DPP10: variants seen among roughly 807,000 people sequenced by gnomAD.
DPP10 encodes the protein dipeptidyl peptidase like 10, also known as inactive dipeptidyl peptidase 10.
A neutral mutation model predicts 120.9 loss-of-function variants in DPP10; 33 were observed. The ratio of observed to expected loss-of-function variants is 0.27; its 90% CI spans 0.21 to 0.37. The LOEUF is 0.37. DPP10 is among the 10% of genes least tolerant of loss of function. DPP10 has a pLI of 1.00. For synonymous variants in DPP10, 337 were observed against 326.1 expected (o/e 1.03, Z -0.36); for missense variants, 816 against 942.8 (o/e 0.87, Z 1.76).
intron 1 of DPP10, among the ~76,000 whole-genome samples, chr2:115,080,694 A>C (rs979226064): frequency 3.9e-5 from 6 of 152,206 alleles, no homozygotes; most frequent in African/African-American, 1.4e-4. Context: ...CACTCAGTGC[A>C]GATCGTGTAT....
At chr2:114,989,563 G>A (rs1308077100) in intron 1 of DPP10, among the ~76,000 whole-genome samples, 2 of 152,156 alleles carry the variant, frequency 1.3e-5, no homozygotes, top group Admixed American at 1.3e-4. Flanking sequence ...CGAATTTTGA[G>A]CAAATGGGTT....
In DPP10 at chr2:115,038,725, A is replaced by G. The variant is rs77917743; in HGVS notation, c.61-270514A>G. On this transcript the variant is annotated intron_variant, in intron 1 of 25. Coordinates refer to ENST00000410059, the MANE Select transcript of DPP10 (RefSeq NM_020868.6). ...ATAAGTTACTGCATTTAACTGTCAC[A>G]ACCCTGTAATGGAGGGACAGTGATT... 3.3e-5 allele frequency among the ~76,000 whole-genome samples: 5 copies of G among 152,324 alleles called. No homozygotes were observed. The East Asian group carries it at 9.6e-4, about 29-fold the overall frequency.
At chr2:115,050,285 T>G (rs568282697) in intron 1 of DPP10, 1 of 152,274 alleles carries the variant, frequency 6.6e-6, no homozygotes, top group African/African-American at 2.4e-5. Flanking sequence ...CTCATCTTAG[T>G]GATGGTAGTC....
At chr2:114,588,030 T>C (rs1462549817) in intron 1 of DPP10, among the ~76,000 whole-genome samples, 1 of 152,232 alleles carries the variant, frequency 6.6e-6, no homozygotes, top group African/African-American at 2.4e-5. Flanking sequence ...CCCAGGTGTT[T>C]TAGAAGCTGC....
intron 19 of DPP10, among the ~76,000 whole-genome samples, chr2:115,806,840 C>G (rs1280313385): frequency 6.6e-6 from 1 of 151,070 alleles, no homozygotes; most frequent in East Asian, 2.0e-4. Context: ...ATCTAAATTG[C>G]CCCCCCACCC....
chr2:115,298,628 A>G (rs560812626), intron 1 of DPP10, among the ~76,000 whole-genome samples: 1 of 152,156 alleles, frequency 6.6e-6, no homozygotes, highest in African/African-American at 2.4e-5. Flanking sequence ...GAAGCTGACC[A>G]TATTTTGAGT....
chr2:114,535,092 C>CAAAA (rs5833550), intron 1 of DPP10, among the ~76,000 whole-genome samples: 315 of 151,238 alleles, frequency 2.1e-3, no homozygotes, highest in African/African-American at 4.1e-3. Flanking sequence ...TTTGTTTCTA[C>CAAAA]AAAAAAAAAC....
chr2:114,957,768 A>G (rs376217646), intron 1 of DPP10, among the ~76,000 whole-genome samples: 20 of 152,382 alleles, frequency 1.3e-4, no homozygotes, highest in East Asian at 7.7e-4. Flanking sequence ...GTGTACATAT[A>G]TCCTTAAAAA....
At chr2:115,383,690 T>G (rs2066614525) in intron 3 of DPP10, among the ~76,000 whole-genome samples, 1 of 152,176 alleles carries the variant, frequency 6.6e-6, no homozygotes, top group East Asian at 1.9e-4. Context: ...TAAATATATT[T>G]AATAATTTGA....
At chr2:115,805,334 C>G (rs1042571233) in intron 19 of DPP10, among the ~76,000 whole-genome samples, 2 of 152,140 alleles carry the variant, frequency 1.3e-5, no homozygotes, top group African/African-American at 4.8e-5. Context: ...TCTGTCACCC[C>G]TTTCTTTGAC....
At chr2:115,108,453 GA>G (rs1260477629) in intron 1 of DPP10, among the ~76,000 whole-genome samples, 1 of 152,164 alleles carries the variant, frequency 6.6e-6, no homozygotes, top group African/African-American at 2.4e-5. Flanking sequence ...CAACATAGAA[GA>G]AGTCAGAAAT....
chr2:115,744,232 A>G (rs1027395645), intron 9 of DPP10, among the ~76,000 whole-genome samples: 6 of 150,288 alleles, frequency 4.0e-5, no homozygotes, highest in African/African-American at 1.5e-4. Context: ...TCCAAGAACA[A>G]CACTTTGAAT....
chr2:115,100,586 G>A (rs963920458), intron 1 of DPP10, among the ~76,000 whole-genome samples: 3 of 152,024 alleles, frequency 2.0e-5, no homozygotes, highest in Non-Finnish European at 1.5e-5. Flanking sequence ...GTGTGTGTGT[G>A]TATATATGTA....
intron 5 of DPP10, among the ~76,000 whole-genome samples, chr2:115,573,742 G>T (rs181221222): frequency 2.8e-5 from 2 of 70,214 alleles, no homozygotes; most frequent in Non-Finnish European, 5.5e-5. Flanking sequence ...TTTTAGTAGA[G>T]ACGGGGTTTG....
At chr2:115,279,544 CG>C (rs1379138799) in intron 1 of DPP10, among the ~76,000 whole-genome samples, 1 of 151,498 alleles carries the variant, frequency 6.6e-6, no homozygotes, top group Non-Finnish European at 1.5e-5. Context: ...AAAAAATCAC[CG>C]TGTTGATTTG....
intron 5 of DPP10, among the ~76,000 whole-genome samples, chr2:115,634,717 T>A (rs558912170): frequency 6.6e-6 from 1 of 152,306 alleles, no homozygotes; most frequent in South Asian, 2.1e-4. Context: ...ACTCACTAAC[T>A]GAGGCATGTT....
At chr2:114,587,303 A>C (rs1236638266) in intron 1 of DPP10, among the ~76,000 whole-genome samples, 9 of 324 alleles carry the variant, frequency 0.028, no homozygotes, top group African/African-American at 0.083. Flanking sequence ...CTCCATCTCA[A>C]AAAAAAAAAA....
chr2:115,274,008 G>C (rs1223795918), intron 1 of DPP10, among the ~76,000 whole-genome samples: 1 of 152,180 alleles, frequency 6.6e-6, no homozygotes, highest in Non-Finnish European at 1.5e-5. Context: ...CTCTCCGAGA[G>C]TGGTGTCATA....
chr2:114,922,897 A>G (rs1210424967), intron 1 of DPP10, among the ~76,000 whole-genome samples: 1 of 152,128 alleles, frequency 6.6e-6, no homozygotes, highest in Non-Finnish European at 1.5e-5. Context: ...TATTTTTCTT[A>G]GGTGTATACC....
Sources: allele counts gnomAD v4.1 joint callset (sites outside exome capture counted in the v4.1 genomes callset), GRCh38; gene constraint gnomAD v4.1.1; transcripts MANE v1.5; gene names NCBI Gene and HGNC (gene_info 2026-07-23, HGNC 2026-07-21).